The following SORBS2 variants were observed in gnomAD, a reference collection of about 807,000 sequenced individuals.
SORBS2 encodes the protein sorbin and SH3 domain-containing protein 2.
SORBS2 carries 46 observed loss-of-function variants against 97.7 expected under a neutral mutation model. The observed-to-expected ratio is 0.47, with a 90% CI of 0.37 to 0.60. SORBS2 has a LOEUF of 0.60. Among genes scored for constraint, SORBS2 ranks in the 20% least tolerant of loss-of-function variants. The pLI, the probability that SORBS2 is intolerant of heterozygous loss-of-function variation, is 0.00. For missense variants in SORBS2, 1,316 were observed against 1,282.3 expected, an observed-to-expected ratio of 1.03 and a Z score of -0.40; for synonymous variants, 476 against 473.4, an observed-to-expected ratio of 1.01 and a Z score of -0.07.
At chr4:185,794,964 A>G (rs2099098096) in intron 1 of SORBS2, among the ~76,000 whole-genome samples, 1 of 152,168 alleles carries the variant, frequency 6.6e-6, no homozygotes, top group African/African-American at 2.4e-5. Context: ...AAAGTCATTA[A>G]TCATCTCACT....
At position 185,622,368 on chromosome 4, in the gene SORBS2, T is replaced by C. The variant is rs148013139; in HGVS notation, c.2215+546A>G. On this transcript the variant is annotated intron_variant, in intron 7 of 14. Coordinates refer to ENST00000418609, the Ensembl canonical transcript of SORBS2. ...TACATTCACAAAAATTTTATCACCA[T>C]TGTGTCCTTGAAATGGAGAAAGCTA... Among the ~76,000 whole-genome samples the C allele has an allele frequency of 3.8e-3, 579 of 152,334 alleles. 3 individuals carry two copies. Among genetic ancestry groups the C allele is most frequent in the Middle Eastern group, 6.8e-3 (2 of 294 alleles).
intron 2 of SORBS2, among the ~76,000 whole-genome samples, chr4:185,722,321 C>T (rs764893032): frequency 5.9e-5 from 9 of 152,122 alleles, no homozygotes; most frequent in Non-Finnish European, 8.8e-5. Flanking sequence ...TTCTTTGGAT[C>T]GCAAAATGAT....
chr4:185,939,868 C>T (rs571457583), intron 1 of SORBS2, among the ~76,000 whole-genome samples: 1 of 152,318 alleles, frequency 6.6e-6, no homozygotes, highest in African/African-American at 2.4e-5. Flanking sequence ...GAAAGCCCTT[C>T]ATCCCCATGC....
At chr4:185,949,043 T>A (rs958947936) in intron 1 of SORBS2, among the ~76,000 whole-genome samples, 3 of 151,932 alleles carry the variant, frequency 2.0e-5, no homozygotes, top group African/African-American at 7.3e-5. Context: ...GTGCTCTTTA[T>A]CTATGTGTTC....
intron 1 of SORBS2, among the ~76,000 whole-genome samples, chr4:185,864,194 T>A (rs1351396269): frequency 6.6e-6 from 1 of 151,988 alleles, no homozygotes; most frequent in Non-Finnish European, 1.5e-5. Context: ...AAAGCCGGAG[T>A]GTAACAGAAG....
At chr4:185,953,578 C>A (rs1323631727) in intron 1 of SORBS2, among the ~76,000 whole-genome samples, 2 of 152,202 alleles carry the variant, frequency 1.3e-5, no homozygotes, top group Admixed American at 6.5e-5. Context: ...GCAATACTCT[C>A]AAAAGGTAGA....
intron 2 of SORBS2, among the ~76,000 whole-genome samples, chr4:185,679,385 A>AAAAAACTGTT (rs2097841349): frequency 6.6e-6 from 1 of 152,198 alleles, no homozygotes; most frequent in South Asian, 2.1e-4. Flanking sequence ...CTCAAATATG[A>AAAAAACTGTT]AAAAACTGTT....
chr4:185,941,925 G>A (rs2150001296), intron 1 of SORBS2, among the ~76,000 whole-genome samples: 1 of 152,142 alleles, frequency 6.6e-6, no homozygotes, highest in South Asian at 2.1e-4. Flanking sequence ...AGACCAGCCT[G>A]GCCAATGTGG....
At chr4:185,656,901 A>G (rs1357447796) in exon 1 of SORBS2, 57 of 1,256,008 alleles carry the variant, frequency 4.5e-5, no homozygotes, top group Non-Finnish European at 5.1e-5. Context: ...ATTTTTCTTC[A>G]GACAGCTTTT....
intron 12 of SORBS2, chr4:185,605,994 T>C (rs1238780741): frequency 5.3e-6 from 3 of 561,434 alleles, no homozygotes; most frequent in Non-Finnish European, 4.5e-6. Context: ...AAGTAGTCAA[T>C]GTGAAGTCAA....
chr4:185,917,705 C>T (rs2099258935), intron 1 of SORBS2, among the ~76,000 whole-genome samples: 1 of 152,134 alleles, frequency 6.6e-6, no homozygotes, highest in African/African-American at 2.4e-5. Flanking sequence ...GAGAGGCAGA[C>T]TTGGGACTGA....
intron 2 of SORBS2, among the ~76,000 whole-genome samples, chr4:185,743,832 C>T (rs968663278): frequency 1.3e-5 from 2 of 150,246 alleles, no homozygotes; most frequent in African/African-American, 4.9e-5. Context: ...CTTCTATCTT[C>T]TTTCCTCCTC....
At chr4:185,680,366 T>C (rs1421817184) in intron 2 of SORBS2, among the ~76,000 whole-genome samples, 4 of 152,000 alleles carry the variant, frequency 2.6e-5, no homozygotes, top group African/African-American at 4.8e-5. Context: ...AGCTATATGA[T>C]GAAGATAAAG....
At position 185,709,304 on chromosome 4, in the gene SORBS2, C is replaced by CCTTTTTTTTTTTTTTTTTTTTTT. The variant is rs1554199361; in HGVS notation, c.-197-30483_-197-30482insAAAAAAAAAAAAAAAAAAAAAAG. On this transcript the variant is annotated intron_variant, in intron 2 of 20. Transcript: ENST00000284776. ...GCATGAGCCGCTGTGCTGGCCAAATCTTTTTTTTTTTTTTTTTTTTAGTAA... is the reference window on the plus strand; with the variant it reads ...GCATGAGCCGCTGTGCTGGCCAAATCCTTTTTTTTTTTTTTTTTTTTTTTTTTTTTTTTTTTTTTTTTTAGTAA... Among the ~76,000 whole-genome samples, 181 of 96,672 alleles carry CCTTTTTTTTTTTTTTTTTTTTTT rather than the reference C, an allele frequency of 1.9e-3. 26 individuals are homozygous for CCTTTTTTTTTTTTTTTTTTTTTT. The highest frequency in any genetic ancestry group is 3.7e-3 in the East Asian group (12 of 3,280). 63.4% of individuals were successfully genotyped at this position (96,672 alleles called of 152,430 possible). A position where few individuals can be genotyped will look rare whatever the true frequency, so the allele number is the denominator to read the frequency against.
intron 1 of SORBS2, among the ~76,000 whole-genome samples, chr4:185,824,516 T>C (rs984176944): frequency 1.3e-5 from 2 of 152,130 alleles, no homozygotes; most frequent in Admixed American, 1.3e-4. Context: ...CCCATAACAG[T>C]TATGGTGTTA....
intron 1 of SORBS2, among the ~76,000 whole-genome samples, chr4:185,831,294 G>A (rs747916856): frequency 6.6e-6 from 1 of 152,174 alleles, no homozygotes; most frequent in Non-Finnish European, 1.5e-5. Flanking sequence ...CGGGTAGGTG[G>A]GGTGGCTTCA....
rs1377339186 is a variant in SORBS2 at position 185,649,666 on chromosome 4, C to CA, written c.92-11dup. ...GGTGGGTTGTACAGACCTATCATGA[C>CA]AAAAAACAAAAGCAGACAAAAAACA... On this transcript the variant is annotated splice_polypyrimidine_tract_variant and intron_variant, in intron 2 of 14. Coordinates refer to ENST00000418609, the Ensembl canonical transcript of SORBS2. The CA allele has an allele frequency of 7.4e-7, 1 of 1,352,540 alleles. No individual in the cohort carries two copies. The highest frequency in any genetic ancestry group is 1.5e-5 in the African/African-American group (1 of 66,744). The allele number at this position is 1,352,540 out of a possible 1,614,324, so 83.8% of individuals were successfully genotyped here.
rs28369145 is a variant in SORBS2 at position 185,860,880 on chromosome 4, T to C, written c.-337-85514A>G. Among the ~76,000 whole-genome samples, 444 of 152,216 alleles carry C rather than the reference T, an allele frequency of 2.9e-3. 4 individuals are homozygous for C. Among genetic ancestry groups the C allele is most frequent in the African/African-American group, 0.01 (421 of 41,532 alleles). On this transcript the variant is annotated intron_variant, in intron 1 of 20. Transcript: ENST00000284776. ...GTGGAAACCAAGGTGAAGCCTCCAG[T>C]AGCAAGCTTCAGAGACAGTAGGTGG...
intron 1 of SORBS2, among the ~76,000 whole-genome samples, chr4:185,878,613 C>G (rs561493440): frequency 1.3e-5 from 2 of 152,296 alleles, no homozygotes; most frequent in South Asian, 4.2e-4. Context: ...AGCCTCCACT[C>G]AAGCGGATCT....
Sources: allele counts gnomAD v4.1 joint callset (sites outside exome capture counted in the v4.1 genomes callset), GRCh38; gene constraint gnomAD v4.1.1; transcripts MANE v1.5; gene names NCBI Gene and HGNC (gene_info 2026-07-23, HGNC 2026-07-21).